ELAVL3: variants seen among roughly 807,000 people sequenced by gnomAD.
The protein encoded by ELAVL3 is ELAV like RNA binding protein 3.
In ELAVL3, 8 loss-of-function variants were observed where a neutral mutation model predicts 34.2. That is an observed-to-expected ratio of 0.23 (90% CI 0.14 to 0.42). The LOEUF (loss-of-function observed/expected upper bound fraction) is 0.42. Among genes scored for constraint, ELAVL3 ranks in the 10% least tolerant of loss-of-function variants. The pLI is 1.00. For missense variants in ELAVL3, 273 were observed against 518.8 expected, an observed-to-expected ratio of 0.53 and a Z score of 4.60; for synonymous variants, 209 against 222.1, an observed-to-expected ratio of 0.94 and a Z score of 0.53.
chr19:11,455,237 C>G (rs1376411826), intron 6 of ELAVL3, among the ~76,000 whole-genome samples: 1 of 151,670 alleles, frequency 6.6e-6, no homozygotes, highest in South Asian at 2.1e-4. Flanking sequence ...CAGGCTCAAG[C>G]AATCCTCCTG....
At position 11,466,834 on chromosome 19, in the gene ELAVL3, A is replaced by G; in HGVS notation, c.10-7T>C. The G allele has an allele frequency of 6.3e-7, 1 of 1,589,678 alleles. No individual in the cohort carries two copies. Among genetic ancestry groups the G allele is most frequent in the Non-Finnish European group, 8.6e-7 (1 of 1,167,230 alleles). On this transcript the variant is annotated splice_polypyrimidine_tract_variant and splice_region_variant and intron_variant, in intron 1 of 6. Transcript: ENST00000359227. This position sits in a 1 kb window ranked among gnomAD's most constrained non-coding sequence, Gnocchi z 5.0. Reference sequence around the variant, plus strand: ...CCATGGCCCCCAGTATCTGCTGGAGATAACAGGTCGCATCCGCTCACCGCC... The same window carrying G: ...CCATGGCCCCCAGTATCTGCTGGAGGTAACAGGTCGCATCCGCTCACCGCC...
intron 1 of ELAVL3, among the ~76,000 whole-genome samples, chr19:11,467,162 C>A (rs1455626323): frequency 3.9e-5 from 6 of 152,158 alleles, no homozygotes; most frequent in African/African-American, 4.8e-5. Flanking sequence ...GTGGCTCACG[C>A]CCCTAATCTC....
At chr19:11,477,691 ATTTTT>A (rs963586249) in intron 1 of ELAVL3, among the ~76,000 whole-genome samples, 2 of 120,174 alleles carry the variant, frequency 1.7e-5, no homozygotes, top group Admixed American at 8.7e-5. Flanking sequence ...CTAGATCCCT[ATTTTT>A]TTTTTTTTTT....
rs527914808 is a variant in ELAVL3 at position 11,462,003 on chromosome 19, A to G, written c.334-3392T>C. 1.2e-4 allele frequency among the ~76,000 whole-genome samples: 18 copies of G among 151,820 alleles called. 1 individual carries two copies. Among genetic ancestry groups the G allele is most frequent in the Middle Eastern group, 3.2e-3 (1 of 312 alleles). On this transcript the variant is annotated intron_variant, in intron 3 of 6. Coordinates refer to ENST00000359227, the MANE Select transcript of ELAVL3 (RefSeq NM_001420.4). ...ATCCTAGCTAACATGGTGAAACCCC[A>G]TCTCTACTAAAAATACAAAAAATTA...
chr19:11,460,597 A>C (rs1469046795), intron 3 of ELAVL3, among the ~76,000 whole-genome samples: 1 of 151,470 alleles, frequency 6.6e-6, no homozygotes, highest in Non-Finnish European at 1.5e-5. Context: ...TCCCAAACAC[A>C]CCAGGCATGT....
chr19:11,457,284 G>A (rs898357479), intron 5 of ELAVL3, 136 bp from the exon 6 acceptor site: 33 of 892,350 alleles, frequency 3.7e-5, no homozygotes, highest in African/African-American at 4.9e-5. Flanking sequence ...CTCCCCGCCC[G>A]CCCGGCTAGA....
Position 11,480,817 on chromosome 19 carries a change from G to A in ELAVL3, c.-209C>T, listed in dbSNP as rs1365807741. 2.5e-6 allele frequency: 1 copy of A among 404,986 alleles called. No individual in the cohort carries two copies. The highest frequency in any genetic ancestry group is 4.2e-6 in the Non-Finnish European group (1 of 235,554). 25.1% of individuals were successfully genotyped at this position (404,986 alleles called of 1,614,324 possible). On this transcript the variant is annotated 5_prime_UTR_variant, in exon 1 of 7. Coordinates refer to ENST00000359227, the MANE Select transcript of ELAVL3 (RefSeq NM_001420.4). The surrounding 1 kb of genome is among the most constrained non-coding windows in gnomAD (Gnocchi z 6.8). ...CGCGCGCGGATGGCCGGGCCCCGGG[G>A]TGGCCTGCGGGCGGCAGGGGATGGA...
chr19:11,469,555 C>T (rs1294478198), intron 1 of ELAVL3, among the ~76,000 whole-genome samples: 1 of 152,072 alleles, frequency 6.6e-6, no homozygotes, highest in Non-Finnish European at 1.5e-5. Context: ...GCTGGGATTA[C>T]AGGCGTGAGC....
chr19:11,462,584 C>T (rs561671602), intron 3 of ELAVL3, among the ~76,000 whole-genome samples: 1 of 151,234 alleles, frequency 6.6e-6, no homozygotes, highest in South Asian at 2.1e-4. Flanking sequence ...TGCAGTGAGC[C>T]GAGAGCGCAC....
chr19:11,455,266 C>T (rs1329125716), intron 6 of ELAVL3, among the ~76,000 whole-genome samples: 1 of 150,920 alleles, frequency 6.6e-6, no homozygotes, highest in Non-Finnish European at 1.5e-5. Context: ...TCCCAAGTAG[C>T]TGGGACTACA....
At chr19:11,468,521 T>C (rs1023164292) in intron 1 of ELAVL3, among the ~76,000 whole-genome samples, 13 of 151,662 alleles carry the variant, frequency 8.6e-5, no homozygotes, top group Admixed American at 8.6e-4. Flanking sequence ...TTCAAGCAAT[T>C]CTCCTGCCTC....
At chr19:11,457,928 G>A (rs1404585278) in intron 5 of ELAVL3, 133 bp downstream of exon 5, 30 of 928,908 alleles carry the variant, frequency 3.2e-5, no homozygotes, top group Non-Finnish European at 8.1e-6. Context: ...CTTGGCACCT[G>A]ACAGATAGGC....
chr19:11,457,266 C>G, intron 5 of ELAVL3, 118 bp from the exon 6 acceptor site: 1 of 1,119,134 alleles, frequency 8.9e-7, no homozygotes, highest in Non-Finnish European at 1.2e-6. Context: ...CCTGCCCCCG[C>G]CTGCCTGCTC....
At chr19:11,468,187 T>C (rs1971094299) in intron 1 of ELAVL3, among the ~76,000 whole-genome samples, 1 of 152,220 alleles carries the variant, frequency 6.6e-6, no homozygotes, top group South Asian at 2.1e-4. Flanking sequence ...GCTAATTATG[T>C]CTTTTGCTTC....
chr19:11,465,516 A>AC (rs1971033406), intron 3 of ELAVL3, among the ~76,000 whole-genome samples: 1 of 149,044 alleles, frequency 6.7e-6, no homozygotes, highest in Admixed American at 6.7e-5. Flanking sequence ...CCAATCCCCA[A>AC]CCCCCCACAT....
chr19:11,454,206 A>C lies in ELAVL3; in HGVS notation c.*320T>G. 3.8e-6 allele frequency: 1 copy of C among 260,552 alleles called. No individual in the cohort carries two copies. The highest frequency in any genetic ancestry group is 7.6e-5 in the East Asian group (1 of 13,164). The allele number at this position is 260,552 out of a possible 1,614,324, so 16.1% of individuals were successfully genotyped here. A position where few individuals can be genotyped will look rare whatever the true frequency, so the allele number is the denominator to read the frequency against. ...GGTGGTCGAGGGTGGGGGTGGGGGC[A>C]CATCTCTGCATTCTTTTTAGCCGAA... On this transcript the variant is annotated 3_prime_UTR_variant, in exon 7 of 7. Coordinates refer to ENST00000359227, the MANE Select transcript of ELAVL3 (RefSeq NM_001420.4). This position sits in a 1 kb window ranked among gnomAD's most constrained non-coding sequence, Gnocchi z 9.2.
At position 11,457,100 on chromosome 19, in the gene ELAVL3, T is replaced by A. The variant is rs1373838052; in HGVS notation, c.752+10A>T. The A allele has an allele frequency of 3.3e-6, 5 of 1,511,562 alleles. No homozygotes were observed. In the South Asian group the frequency reaches 6.7e-5, roughly 20 times the overall value. 93.6% of individuals were successfully genotyped at this position (1,511,562 alleles called of 1,614,324 possible). A position where few individuals can be genotyped will look rare whatever the true frequency, so the allele number is the denominator to read the frequency against. ...GAGGGGTGGGGACAGTGGGGCGGGGTCACTGTTACCTCTTGACGCCGTAGG... is the reference window on the plus strand; with the variant it reads ...GAGGGGTGGGGACAGTGGGGCGGGGACACTGTTACCTCTTGACGCCGTAGG... On this transcript the variant is annotated intron_variant, in intron 6 of 6. Coordinates refer to ENST00000359227, the MANE Select transcript of ELAVL3 (RefSeq NM_001420.4).
intron 3 of ELAVL3, among the ~76,000 whole-genome samples, chr19:11,461,522 CCCTCCCTCCCTCTTT>C (rs1482355458): frequency 6.4e-5 from 9 of 140,168 alleles, no homozygotes; most frequent in Admixed American, 2.3e-4. Context: ...CTTCCACTCT[CCCTCCCTCCCTCTTT>C]CCTCCCTCCC....
At chr19:11,464,127 C>CTCTCTCTCTG (rs1568381909) in intron 3 of ELAVL3, among the ~76,000 whole-genome samples, 1 of 89,916 alleles carries the variant, frequency 1.1e-5, no homozygotes, top group African/African-American at 6.3e-5. Flanking sequence ...CTCTCTGTCT[C>CTCTCTCTCTG]TCTCTCTCTC....
Sources: allele counts gnomAD v4.1 joint callset (sites outside exome capture counted in the v4.1 genomes callset), GRCh38; gene constraint gnomAD v4.1.1; non-coding constraint Gnocchi (gnomAD v3.1); transcripts MANE v1.5; gene names NCBI Gene and HGNC (gene_info 2026-07-23, HGNC 2026-07-21).